Variants in NT5E observed in about 807,000 individuals in gnomAD.
NT5E encodes 5'-nucleotidase.
In NT5E, 53 loss-of-function variants were observed where a neutral mutation model predicts 55.1. The observed-to-expected ratio is 0.96, with a 90% CI of 0.77 to 1.21. NT5E has a LOEUF of 1.21. Ranked by LOEUF, NT5E falls within the 50% of genes most tolerant of loss-of-function variation. NT5E has a pLI of 0.00. For synonymous variants in NT5E, 270 were observed against 278.4 expected (o/e 0.97, Z 0.30); for missense variants, 683 against 724.3 (o/e 0.94, Z 0.65).
chr6:85,470,515 G>A (rs1483462791), intron 2 of NT5E, among the ~76,000 whole-genome samples: 1 of 152,170 alleles, frequency 6.6e-6, no homozygotes, highest in East Asian at 1.9e-4. Context: ...CAGTGGTATG[G>A]TCTCGGCTCA....
At chr6:85,489,086 A>T (rs1210888627) in intron 5 of NT5E, among the ~76,000 whole-genome samples, 1 of 152,154 alleles carries the variant, frequency 6.6e-6, no homozygotes, top group East Asian at 1.9e-4. Context: ...TCTCTTTGGC[A>T]TGAGGTCTGG....
intron 8 of NT5E, 90 bp downstream of exon 8, chr6:85,492,267 C>G: frequency 8.5e-7 from 1 of 1,177,996 alleles, no homozygotes. Flanking sequence ...GGCAAAGTGA[C>G]TCCCTGTATT....
chr6:85,450,460 C>T lies in NT5E; in HGVS notation c.321C>T (p.Ala107=). 1 of 1,596,900 alleles carries T rather than the reference C, an allele frequency of 6.3e-7. No homozygotes were observed. Among genetic ancestry groups the T allele is most frequent in the Non-Finnish European group, 8.5e-7 (1 of 1,173,078 alleles). The change falls in exon 1 of 9, where the codon GCC becomes GCT. Residue 107 remains alanine, a synonymous_variant. Coordinates refer to ENST00000257770, the MANE Select transcript of NT5E (RefSeq NM_002526.4). This position sits in a 1 kb window ranked among gnomAD's most constrained non-coding sequence, Gnocchi z 4.0. The part of the protein sequence containing the change: ...KGAEVAHFMN[A]LRYDAMALGN... ...CCGAGGTGGCGCACTTCATGAACGCCCTGCGCTACGATGCCATGGTAAGAC... is the reference window on the plus strand; with the variant it reads ...CCGAGGTGGCGCACTTCATGAACGCTCTGCGCTACGATGCCATGGTAAGAC...
intron 1 of NT5E, among the ~76,000 whole-genome samples, chr6:85,461,921 C>T (rs1769105945): frequency 6.6e-6 from 1 of 152,132 alleles, no homozygotes; most frequent in Admixed American, 6.5e-5. Flanking sequence ...GCCAGGCCAA[C>T]CACCAGCAGA....
chr6:85,482,449 G>T (rs1165869908), intron 3 of NT5E, among the ~76,000 whole-genome samples: 2 of 152,142 alleles, frequency 1.3e-5, no homozygotes, highest in Admixed American at 1.3e-4. Context: ...GAAAGAAAAG[G>T]CTGCTTCCTG....
chr6:85,455,517 C>T (rs13207593), intron 1 of NT5E, among the ~76,000 whole-genome samples: 1 of 152,198 alleles, frequency 6.6e-6, no homozygotes. Flanking sequence ...TCCGCATTGC[C>T]CCCATATCTT....
chr6:85,467,434 T>A (rs759218795), intron 2 of NT5E, 152 bp downstream of exon 2: 3 of 705,052 alleles, frequency 4.3e-6, no homozygotes, highest in African/African-American at 1.8e-5. Context: ...GTAAATTCTA[T>A]GCTGTTGTTC....
chr6:85,467,201 T>C lies in NT5E; in HGVS notation c.481T>C (p.Tyr161His), dbSNP rs1226194912. The C allele has an allele frequency of 1.9e-6, 3 of 1,613,952 alleles. No homozygotes were observed. Among genetic ancestry groups the C allele is most frequent in the Admixed American group, 1.7e-5 (1 of 60,004 alleles). ...TCAAATATCAGGACTTTATTTGCCA[T>C]ATAAAGTTCTTCCTGTTGGTGATGA... ...ASQISGLYLP[Y>H]KVLPVGDEVV... The change falls in exon 2 of 9, where the codon TAT (tyrosine) becomes CAT (histidine). Residue 161 changes from tyrosine to histidine, a missense_variant. Coordinates refer to ENST00000257770, the MANE Select transcript of NT5E (RefSeq NM_002526.4).
chr6:85,452,550 G>A (rs1768903543), intron 1 of NT5E, among the ~76,000 whole-genome samples: 1 of 152,122 alleles, frequency 6.6e-6, no homozygotes, highest in Non-Finnish European at 1.5e-5. Flanking sequence ...AGGAAAAATA[G>A]GCTACTTACG....
At chr6:85,476,281 G>A (rs1769433872) in intron 3 of NT5E, among the ~76,000 whole-genome samples, 1 of 152,186 alleles carries the variant, frequency 6.6e-6, no homozygotes, top group East Asian at 1.9e-4. Context: ...ATTTCTCCAT[G>A]TCCAAAACTG....
rs778961197 is a variant in NT5E at position 85,450,498 on chromosome 6, C to T, written c.339+20C>T. ...GCCATGGTAAGACCCGAGCCCGCGC[C>T]CGGGATAGTAGTCCCGGACTGAGAG... On this transcript the variant is annotated intron_variant, in intron 1 of 8. Transcript: ENST00000257770. The surrounding 1 kb of genome is among the most constrained non-coding windows in gnomAD (Gnocchi z 4.0). The T allele has an allele frequency of 1.2e-5, 19 of 1,566,090 alleles. No individual in the cohort carries two copies. In the Admixed American group the frequency reaches 2.7e-4, roughly 22 times the overall value.
chr6:85,485,643 C>T (rs1444651937), intron 4 of NT5E, among the ~76,000 whole-genome samples: 2 of 152,240 alleles, frequency 1.3e-5, no homozygotes, highest in Non-Finnish European at 2.9e-5. Context: ...GTCTTCTCAG[C>T]ATCAGATTCC....
At chr6:85,484,854 A>T (rs1464478713) in intron 3 of NT5E, among the ~76,000 whole-genome samples, 1 of 152,148 alleles carries the variant, frequency 6.6e-6, no homozygotes, top group Admixed American at 6.5e-5. Context: ...CGCCCACCTT[A>T]TAGGCAAGGA....
intron 1 of NT5E, among the ~76,000 whole-genome samples, chr6:85,452,422 G>A (rs1768901569): frequency 6.6e-6 from 1 of 152,156 alleles, no homozygotes; most frequent in Admixed American, 6.5e-5. Flanking sequence ...ATCTAGGTGA[G>A]GCCTGAGTAA....
chr6:85,462,277 A>G (rs903645271), intron 1 of NT5E, among the ~76,000 whole-genome samples: 1 of 152,162 alleles, frequency 6.6e-6, no homozygotes, highest in African/African-American at 2.4e-5. Context: ...GACTGCCTCC[A>G]GCCCTACTTT....
At chr6:85,468,606 G>T (rs4707206) in intron 2 of NT5E, among the ~76,000 whole-genome samples, 13,193 of 152,222 alleles carry the variant, frequency 0.087, 958 homozygotes, top group East Asian at 0.22. Context: ...GAGCAGGAAG[G>T]TATAGGGGCC....
At chr6:85,471,604 A>G in intron 3 of NT5E, 179 bp downstream of exon 3, 1 of 313,456 alleles carries the variant, frequency 3.2e-6, no homozygotes, top group Non-Finnish European at 5.8e-6. Context: ...TACAAACATT[A>G]CTAAGAATTT....
intron 3 of NT5E, among the ~76,000 whole-genome samples, chr6:85,483,565 A>G (rs933507337): frequency 6.6e-6 from 1 of 152,252 alleles, no homozygotes; most frequent in Non-Finnish European, 1.5e-5. Flanking sequence ...GTAAAGTTCC[A>G]AGACCTTTTT....
At chr6:85,469,468 G>A (rs762244855) in intron 2 of NT5E, among the ~76,000 whole-genome samples, 16 of 152,168 alleles carry the variant, frequency 1.1e-4, no homozygotes, top group Non-Finnish European at 2.4e-4. Context: ...ATCAATAAAT[G>A]AGTAAATGGT....
Sources: gnomAD v4.1 joint callset for allele counts (sites outside exome capture counted in the v4.1 genomes callset) on GRCh38, gnomAD v4.1.1 for gene constraint, Gnocchi (gnomAD v3.1) non-coding constraint, MANE v1.5 for transcripts, NCBI Gene and HGNC (gene_info 2026-07-23, HGNC 2026-07-21) for gene names.